The following FBLN5 variants were observed in gnomAD, a reference collection of about 807,000 sequenced individuals.
FBLN5 encodes fibulin 5, also known as fibulin-5.
FBLN5 carries 24 observed loss-of-function variants against 61.6 expected under a neutral mutation model. The observed-to-expected ratio is 0.39, with a 90% CI of 0.28 to 0.55. FBLN5 has a LOEUF of 0.55. FBLN5 is among the 20% of genes least tolerant of loss of function. FBLN5 has a pLI of 0.65. For synonymous variants in FBLN5, 213 were observed against 219.8 expected (o/e 0.97, Z 0.27); for missense variants, 470 against 594.1 (o/e 0.79, Z 2.17).
chr14:91,939,217 C>T (rs1011371671), intron 3 of FBLN5, among the ~76,000 whole-genome samples: 6 of 152,142 alleles, frequency 3.9e-5, no homozygotes, highest in African/African-American at 1.4e-4. Context: ...ACAAACTATT[C>T]CATGCTCTGA....
At chr14:91,917,191 G>C (rs1425795344) in intron 4 of FBLN5, among the ~76,000 whole-genome samples, 1 of 152,180 alleles carries the variant, frequency 6.6e-6, no homozygotes, top group African/African-American at 2.4e-5. Context: ...AGTCATTGGA[G>C]AGAGAGAAAA....
intron 4 of FBLN5, among the ~76,000 whole-genome samples, chr14:91,910,073 C>T (rs753349294): frequency 6.6e-6 from 1 of 152,176 alleles, no homozygotes; most frequent in African/African-American, 2.4e-5. Flanking sequence ...ACCTATACAC[C>T]TATGTTCATA....
intron 9 of FBLN5, among the ~76,000 whole-genome samples, chr14:91,880,476 G>T (rs947836915): frequency 1.3e-5 from 2 of 152,038 alleles, no homozygotes; most frequent in African/African-American, 4.8e-5. Flanking sequence ...TCTTTGCATA[G>T]CTCTGGCATG....
intron 10 of FBLN5, among the ~76,000 whole-genome samples, chr14:91,877,175 A>G (rs959699793): frequency 2.6e-5 from 4 of 152,166 alleles, no homozygotes; most frequent in African/African-American, 9.7e-5. Flanking sequence ...TACTTGTCAC[A>G]TGGGTTGGTT....
intron 3 of FBLN5, 83 bp from the exon 4 acceptor site, chr14:91,937,284 G>T: frequency 6.3e-7 from 1 of 1,577,682 alleles, no homozygotes; most frequent in Non-Finnish European, 8.6e-7. Flanking sequence ...CTCGGTACCA[G>T]GCGTGGAGGA....
intron 5 of FBLN5, among the ~76,000 whole-genome samples, chr14:91,894,186 C>T (rs950352155): frequency 2.6e-5 from 4 of 151,716 alleles, no homozygotes. Context: ...ATCACTTTAG[C>T]CCAGGAGTTC....
chr14:91,915,029 G>A (rs979227368), intron 4 of FBLN5, among the ~76,000 whole-genome samples: 2 of 151,616 alleles, frequency 1.3e-5, no homozygotes, highest in Non-Finnish European at 2.9e-5. Flanking sequence ...GTGTGGTGGC[G>A]AGCACCTGTA....
chr14:91,946,833 G>A (rs2056192794), intron 1 of FBLN5: 4 of 1,526,068 alleles, frequency 2.6e-6, no homozygotes, highest in South Asian at 1.2e-5. Context: ...TCTATCAGCC[G>A]ATGCGGCGCA....
rs1440073454 is a variant in FBLN5, at chr14:91,937,173, C to T, written c.153G>A (p.Glu51=). The change falls in exon 4 of 11, where the codon GAG becomes GAA. Residue 51 remains glutamate (E), a synonymous_variant. Coordinates refer to ENST00000342058, the MANE Select transcript of FBLN5 (RefSeq NM_006329.4). Reference sequence around the variant, plus strand: ...CACACATCATGTCTCCTCGGCAGGCCTCGGGGATGGTTCGGCATTCATCAA... The same window carrying T: ...CACACATCATGTCTCCTCGGCAGGCTTCGGGGATGGTTCGGCATTCATCAA... ...LDIDECRTIP[E]ACRGDMMCVN... 6.2e-7 allele frequency: 1 copy of T among 1,614,088 alleles called. No homozygotes were observed. The highest frequency in any genetic ancestry group is 1.1e-5 in the South Asian group (1 of 91,066).
intron 4 of FBLN5, among the ~76,000 whole-genome samples, chr14:91,931,723 C>T (rs1160616360): frequency 6.6e-6 from 1 of 152,204 alleles, no homozygotes; most frequent in African/African-American, 2.4e-5. Context: ...AGCTGGTTAG[C>T]AAAGCTAGAA....
intron 4 of FBLN5, among the ~76,000 whole-genome samples, chr14:91,913,887 C>A (rs1026102883): frequency 6.6e-6 from 1 of 152,122 alleles, no homozygotes; most frequent in Non-Finnish European, 1.5e-5. Flanking sequence ...TCATGGATAA[C>A]AAGAAGTGAT....
At chr14:91,927,164 G>T (rs974715319) in intron 4 of FBLN5, among the ~76,000 whole-genome samples, 2 of 152,154 alleles carry the variant, frequency 1.3e-5, no homozygotes, top group African/African-American at 4.8e-5. Context: ...ACATCAAACA[G>T]GATTCCTCAT....
chr14:91,925,754 G>A (rs184368006), intron 4 of FBLN5, among the ~76,000 whole-genome samples: 11 of 152,296 alleles, frequency 7.2e-5, no homozygotes, highest in Middle Eastern at 3.4e-3. Flanking sequence ...CCATTAGCCC[G>A]TCAGTGCTTC....
At chr14:91,878,403 T>C (rs1317948971) in intron 9 of FBLN5, among the ~76,000 whole-genome samples, 1 of 152,214 alleles carries the variant, frequency 6.6e-6, no homozygotes, top group East Asian at 1.9e-4. Flanking sequence ...ATGCCTGTTA[T>C]AGACACCCCT....
intron 4 of FBLN5, among the ~76,000 whole-genome samples, chr14:91,898,294 T>C (rs972806230): frequency 6.6e-6 from 1 of 152,122 alleles, no homozygotes; most frequent in Admixed American, 6.5e-5. Flanking sequence ...CAAGAACTAT[T>C]GAATGAATGA....
At chr14:91,893,231 C>G (rs1231257358) in intron 5 of FBLN5, among the ~76,000 whole-genome samples, 1 of 152,226 alleles carries the variant, frequency 6.6e-6, no homozygotes, top group African/African-American at 2.4e-5. Context: ...TAATATTCAA[C>G]ATCCTTTCCA....
intron 4 of FBLN5, among the ~76,000 whole-genome samples, chr14:91,912,456 C>T (rs554641082): frequency 6.6e-6 from 1 of 152,210 alleles, no homozygotes; most frequent in South Asian, 2.1e-4. Context: ...ACCAGCCTGG[C>T]CAACGTGGTG....
At chr14:91,923,814 G>T (rs1417401398) in intron 4 of FBLN5, among the ~76,000 whole-genome samples, 1 of 152,102 alleles carries the variant, frequency 6.6e-6, no homozygotes, top group Non-Finnish European at 1.5e-5. Flanking sequence ...CCTAGCCCTT[G>T]GCAGTGTCTG....
At chr14:91,923,757 G>A (rs2055780262) in intron 4 of FBLN5, among the ~76,000 whole-genome samples, 1 of 152,108 alleles carries the variant, frequency 6.6e-6, no homozygotes, top group Non-Finnish European at 1.5e-5. Context: ...CCACTCAGCA[G>A]AGAGATCCTG....
Sources: gnomAD v4.1 joint callset for allele counts (sites outside exome capture counted in the v4.1 genomes callset) on GRCh38, gnomAD v4.1.1 for gene constraint, MANE v1.5 for transcripts, NCBI Gene and HGNC (gene_info 2026-07-23, HGNC 2026-07-21) for gene names.